The following FCHO1 variants were observed in gnomAD, a reference collection of about 807,000 sequenced individuals.
FCHO1 encodes the protein FCH and mu domain containing endocytic adaptor 1.
A neutral mutation model predicts 114.4 loss-of-function variants in FCHO1; 45 were observed. The ratio of observed to expected loss-of-function variants is 0.39; its 90% CI spans 0.31 to 0.50. The LOEUF is 0.50. FCHO1 is among the 20% of genes least tolerant of loss of function. The probability of loss-of-function intolerance (pLI) is 0.77; values close to 1 mark genes in which losing one functional copy is unlikely to be tolerated. For missense variants in FCHO1, 1,042 were observed against 1,209.6 expected (o/e 0.86, Z 2.06); for synonymous variants, 480 against 488.9 (o/e 0.98, Z 0.24).
In FCHO1 at chr19:17,776,073, C is replaced by T. The variant is rs762690733; in HGVS notation, c.1094C>T (p.Pro365Leu). ...TTCTATGTGCACATCAAGCCTGCCC[C>T]GGCCCGGGCTCCAGCCTGCAGCCCC... Reference protein sequence around the residue: ...RKFYVHIKPAPARAPACSPEA... With the variant: ...RKFYVHIKPALARAPACSPEA... Residue 365 changes from proline to leucine, a missense_variant, in exon 16 of 29, where the codon CCG (proline) becomes CTG (leucine). Pro to Leu is a moderately conservative substitution (Grantham distance 98). Transcript: ENST00000596536. This position sits in a 1 kb window ranked among gnomAD's most constrained non-coding sequence, Gnocchi z 4.4. 9 of 1,611,548 alleles carry T rather than the reference C, an allele frequency of 5.6e-6. No individual in the cohort carries two copies. Among genetic ancestry groups the T allele is most frequent in the South Asian group, 2.2e-5 (2 of 91,070 alleles).
chr19:17,780,728 G>A (rs1264398644), intron 20 of FCHO1, among the ~76,000 whole-genome samples: 1 of 152,082 alleles, frequency 6.6e-6, no homozygotes, highest in Non-Finnish European at 1.5e-5. Context: ...AGGTGAGAGG[G>A]GAGGTAGGTG....
chr19:17,758,104 A>C (rs1030083836), intron 4 of FCHO1, among the ~76,000 whole-genome samples: 1 of 151,876 alleles, frequency 6.6e-6, no homozygotes, highest in African/African-American at 2.4e-5. Context: ...AGTCCCAGCT[A>C]TTGAGGAGGC....
rs751348520 is a variant in FCHO1, at chr19:17,784,752, C to T, written c.2254C>T (p.Pro752Ser). The part of the protein sequence containing the change: ...QFSRPGPQSV[P>S]LQLSAHWQCG... ...CTCCCGCCCGGGTCCCCAGTCTGTG[C>T]CTCTGCAGCTCAGTGCCCACTGGCA... The change falls in exon 26 of 29, where the codon CCT (proline) becomes TCT (serine). Residue 752 changes from proline to serine, a missense_variant. Physicochemically the swap from Pro to Ser is moderately conservative, Grantham distance 74. Coordinates refer to ENST00000596536, the MANE Select transcript of FCHO1 (RefSeq NM_015122.3). The surrounding 1 kb of genome is among the most constrained non-coding windows in gnomAD (Gnocchi z 5.3). The T allele has an allele frequency of 4.3e-6, 7 of 1,613,934 alleles. No individual in the cohort carries two copies. Among genetic ancestry groups the T allele is most frequent in the Non-Finnish European group, 5.1e-6 (6 of 1,180,038 alleles).
At chr19:17,780,982 T>TTGCATA (rs1410552578) in intron 20 of FCHO1, among the ~76,000 whole-genome samples, 5 of 152,342 alleles carry the variant, frequency 3.3e-5, no homozygotes, top group Non-Finnish European at 7.3e-5. Context: ...CAGTGCTTGC[T>TTGCATA]TGCATACCCC....
chr19:17,750,340 T>A (rs1055473134), upstream of FCHO1, among the ~76,000 whole-genome samples: 1 of 152,200 alleles, frequency 6.6e-6, no homozygotes, highest in Admixed American at 6.5e-5. Context: ...CCTAGGTTGA[T>A]GTTTTCACTT....
chr19:17,772,429 T>C (rs1599687584), intron 9 of FCHO1, 28 bp from the exon 10 acceptor site: 1 of 1,587,862 alleles, frequency 6.3e-7, no homozygotes, highest in Non-Finnish European at 8.6e-7. Flanking sequence ...TGACCTCCTT[T>C]CCACCTGCCT....
In FCHO1 at chr19:17,780,939, C is replaced by G. The variant is rs560646973; in HGVS notation, c.1628-292C>G. 6.6e-5 allele frequency among the ~76,000 whole-genome samples: 10 copies of G among 152,318 alleles called. No homozygotes were observed. In the South Asian group the frequency reaches 1.9e-3, roughly 28 times the overall value. On this transcript the variant is annotated intron_variant, in intron 20 of 28. Transcript: ENST00000596536. The stretch of plus-strand genomic sequence containing the variant: ...TGTTGGCTAAAAATCCTCTGCTGAA[C>G]CCCCCTTACAGCATGCCTGCGTCTT...
At position 17,787,366 on chromosome 19, in the gene FCHO1, G is replaced by A. The variant is rs962814319; in HGVS notation, c.2483-316G>A. Among the ~76,000 whole-genome samples, 26 of 149,410 alleles carry A rather than the reference G, an allele frequency of 1.7e-4. 1 individual carries two copies. The highest frequency in any genetic ancestry group is 4.5e-4 in the African/African-American group (18 of 40,396). On this transcript the variant is annotated intron_variant, in intron 27 of 28. Transcript: ENST00000596536. ...TTAGAGGCTGCAGTGACCTATGATT[G>A]CACCACTATACTCCAGCCTGGGCAA...
chr19:17,770,589 G>T lies in FCHO1; in HGVS notation c.489+12G>T, dbSNP rs375019038. On this transcript the variant is annotated intron_variant, in intron 8 of 28. Transcript: ENST00000596536. ...AGGAGATGGACAAGGTGGGCTCACA[G>T]TGGGGGGGTTCTGAGGAATTTGCCG... The T allele has an allele frequency of 1.2e-6, 2 of 1,608,156 alleles. No homozygotes were observed. The highest frequency in any genetic ancestry group is 1.7e-6 in the Non-Finnish European group (2 of 1,176,242).
rs535465534 is a variant in FCHO1 at position 17,766,875 on chromosome 19, C to T, written c.336+65C>T. On this transcript the variant is annotated intron_variant, in intron 7 of 28. Coordinates refer to ENST00000596536, the MANE Select transcript of FCHO1 (RefSeq NM_015122.3). ...GGAACACCGGCAGCTCACAGGACCC[C>T]AGATCTTCTGGGGCTTTATAACCTG... is the stretch of plus-strand genomic sequence containing the variant. 3.9e-6 allele frequency: 6 copies of T among 1,549,568 alleles called. No individual in the cohort carries two copies. In the Admixed American group the frequency reaches 1.1e-4, roughly 28 times the overall value.
At position 17,775,813 on chromosome 19, in the gene FCHO1, G is replaced by T. The variant is rs1332629143; in HGVS notation, c.1004-170G>T. On this transcript the variant is annotated intron_variant, in intron 15 of 28. Coordinates refer to ENST00000596536, the MANE Select transcript of FCHO1 (RefSeq NM_015122.3). The surrounding 1 kb of genome is among the most constrained non-coding windows in gnomAD (Gnocchi z 5.1). Reference sequence around the variant, plus strand: ...TGCTTGTGCAAAGGCTTCTCGGGGGGGGTGGGAGTGCTGGTGGGACATGGT... The same window carrying T: ...TGCTTGTGCAAAGGCTTCTCGGGGGTGGTGGGAGTGCTGGTGGGACATGGT... Among the ~76,000 whole-genome samples the T allele has an allele frequency of 6.6e-6, 1 of 152,002 alleles. No homozygotes were observed. Among genetic ancestry groups the T allele is most frequent in the African/African-American group, 2.4e-5 (1 of 41,390 alleles).
chr19:17,748,100 C>A (rs969661969), upstream of FCHO1, among the ~76,000 whole-genome samples: 106 of 152,294 alleles, frequency 7.0e-4, no homozygotes, highest in African/African-American at 2.3e-3. Context: ...TCCCCAAATT[C>A]TTTTATTCTA....
chr19:17,769,617 AC>A (rs1568341612), intron 7 of FCHO1, among the ~76,000 whole-genome samples: 21 of 148,478 alleles, frequency 1.4e-4, no homozygotes, highest in Middle Eastern at 3.2e-3. Context: ...ACACACACAC[AC>A]ACACACACAC....
chr19:17,758,436 A>G (rs2084674311), intron 4 of FCHO1, among the ~76,000 whole-genome samples: 2 of 152,164 alleles, frequency 1.3e-5, no homozygotes, highest in South Asian at 4.2e-4. Context: ...TGTCTTTGCT[A>G]TTTGCTGTTT....
upstream of FCHO1, among the ~76,000 whole-genome samples, chr19:17,749,420 G>T (rs1238398463): frequency 6.6e-6 from 1 of 152,162 alleles, no homozygotes; most frequent in African/African-American, 2.4e-5. Context: ...ATTAATGACA[G>T]TATTAGTGCT....
chr19:17,776,560 G>T lies in FCHO1; in HGVS notation c.1208-75G>T. The T allele has an allele frequency of 6.5e-7, 1 of 1,548,530 alleles. No homozygotes were observed. The highest frequency in any genetic ancestry group is 1.1e-5 in the South Asian group (1 of 89,612). On this transcript the variant is annotated intron_variant, in intron 17 of 28. Coordinates refer to ENST00000596536, the MANE Select transcript of FCHO1 (RefSeq NM_015122.3). The surrounding 1 kb of genome is among the most constrained non-coding windows in gnomAD (Gnocchi z 4.4). ...AACTGGCTGGACACCCCCGAGCCTC[G>T]GTCCCTTGGTCTGTGGAGTGGGGAG...
chr19:17,785,402 T>C (rs1240875115), intron 26 of FCHO1, among the ~76,000 whole-genome samples: 2 of 152,062 alleles, frequency 1.3e-5, no homozygotes, highest in African/African-American at 4.8e-5. Flanking sequence ...TGTGTTTTTT[T>C]AGTAGACATG....
At chr19:17,772,955 A>T (rs143553247) in intron 11 of FCHO1, among the ~76,000 whole-genome samples, 4,119 of 152,242 alleles carry the variant, frequency 0.027, 96 homozygotes, top group Non-Finnish European at 0.042. Context: ...GAGCCACTGC[A>T]CATGGCCAGG....
rs191790460 is a variant in FCHO1, at chr19:17,763,415, C to T, written c.119+562C>T. Among the ~76,000 whole-genome samples, 252 of 152,050 alleles carry T rather than the reference C, an allele frequency of 1.7e-3. 2 individuals are homozygous for T. Among genetic ancestry groups the T allele is most frequent in the African/African-American group, 5.4e-3 (222 of 41,462 alleles). ...AGTAGCTGAGACTACAGGTGCCTGC[C>T]ACCACGTCTGGCTAATTTTTTTATT... On this transcript the variant is annotated intron_variant, in intron 5 of 28. Coordinates refer to ENST00000596536, the MANE Select transcript of FCHO1 (RefSeq NM_015122.3).
Sources: gnomAD v4.1 joint callset for allele counts (sites outside exome capture counted in the v4.1 genomes callset) on GRCh38, gnomAD v4.1.1 for gene constraint, Gnocchi (gnomAD v3.1) non-coding constraint, MANE v1.5 for transcripts, NCBI Gene and HGNC (gene_info 2026-07-23, HGNC 2026-07-21) for gene names.